Variants in DIS3L2 observed in about 807,000 individuals in gnomAD.
DIS3L2 encodes the protein DIS3-like exonuclease 2.
Under a neutral mutation model 97.5 loss-of-function variants are expected in DIS3L2, and 34 were observed. That is an observed-to-expected ratio of 0.35 (90% CI 0.27 to 0.46). The LOEUF is 0.46. DIS3L2 is among the 20% of genes least tolerant of loss of function. The pLI is 1.00. For missense variants in DIS3L2, 1,038 were observed against 1,146.0 expected (o/e 0.91, Z 1.36); for synonymous variants, 435 against 445.2 (o/e 0.98, Z 0.29).
chr2:232,212,121 A>G (rs971194188), intron 10 of DIS3L2, among the ~76,000 whole-genome samples: 2 of 152,246 alleles, frequency 1.3e-5, no homozygotes, highest in Non-Finnish European at 2.9e-5. Context: ...AAATTGAAGC[A>G]GCCTACTTCA....
intron 6 of DIS3L2, among the ~76,000 whole-genome samples, chr2:232,112,506 A>G (rs1340251970): frequency 6.6e-6 from 1 of 152,162 alleles, no homozygotes; most frequent in African/African-American, 2.4e-5. Flanking sequence ...TAGCTCCTTC[A>G]GTGGGAAGTC....
At chr2:232,102,492 C>T (rs189988521) in intron 6 of DIS3L2, among the ~76,000 whole-genome samples, 3 of 152,246 alleles carry the variant, frequency 2.0e-5, no homozygotes, top group African/African-American at 7.2e-5. Flanking sequence ...GAGATACTGG[C>T]TAACATGGTT....
chr2:232,329,074 G>C (rs1206263683), intron 14 of DIS3L2: 1 of 152,354 alleles, frequency 6.6e-6, no homozygotes, highest in Non-Finnish European at 1.5e-5. Flanking sequence ...TGACTGTTGA[G>C]TCTAATGACA....
intron 9 of DIS3L2, among the ~76,000 whole-genome samples, chr2:232,195,711 C>G (rs896852033): frequency 2.0e-5 from 3 of 151,838 alleles, no homozygotes; most frequent in African/African-American, 7.3e-5. Flanking sequence ...ATCAGCCTCC[C>G]AAAGTGCTAG....
chr2:232,288,061 T>C (rs1003204050), intron 13 of DIS3L2, among the ~76,000 whole-genome samples: 2 of 152,182 alleles, frequency 1.3e-5, no homozygotes, highest in Non-Finnish European at 2.9e-5. Context: ...AACCCCATTG[T>C]TGCAGGTTGA....
chr2:232,016,258 A>G (rs1427054607), intron 3 of DIS3L2, among the ~76,000 whole-genome samples: 1 of 152,232 alleles, frequency 6.6e-6, no homozygotes, highest in African/African-American at 2.4e-5. Flanking sequence ...ACAAATGTTT[A>G]TGGAGCATCC....
At chr2:232,291,290 A>G (rs1234332900) in intron 13 of DIS3L2, among the ~76,000 whole-genome samples, 4 of 152,388 alleles carry the variant, frequency 2.6e-5, no homozygotes, top group South Asian at 4.1e-4. Context: ...TAAAGAAGAA[A>G]AACTCAAGAT....
intron 6 of DIS3L2, among the ~76,000 whole-genome samples, chr2:232,123,835 G>T (rs753471527): frequency 8.5e-5 from 13 of 152,156 alleles, no homozygotes; most frequent in Admixed American, 3.3e-4. Context: ...ACCCCAAAGG[G>T]CTACACCATC....
At chr2:232,045,279 G>T (rs1054027906) in intron 5 of DIS3L2, among the ~76,000 whole-genome samples, 2 of 152,208 alleles carry the variant, frequency 1.3e-5, no homozygotes, top group African/African-American at 4.8e-5. Context: ...TTTGAGAACA[G>T]TGGTGAGCAG....
rs577382944 is a variant in DIS3L2 at position 232,062,361 on chromosome 2, T to C, written c.367-25126T>C. On this transcript the variant is annotated intron_variant, in intron 5 of 20. Coordinates refer to ENST00000325385, the MANE Select transcript of DIS3L2 (RefSeq NM_152383.5). ...ACTACCACACCACTGAGTGAATGTT[T>C]GAATTCACAGTTCCTGGAAAGTGGG... 5.4e-4 allele frequency among the ~76,000 whole-genome samples: 82 copies of C among 152,320 alleles called. 1 individual carries two copies. The highest frequency in any genetic ancestry group is 1.8e-3 in the African/African-American group (73 of 41,566).
chr2:232,036,102 C>G (rs937792798), intron 5 of DIS3L2, among the ~76,000 whole-genome samples: 1 of 152,146 alleles, frequency 6.6e-6, no homozygotes, highest in Non-Finnish European at 1.5e-5. Flanking sequence ...GGATAATATC[C>G]TGAAGTGTGT....
intron 2 of DIS3L2, 130 bp downstream of exon 2, chr2:232,015,109 C>T: frequency 2.4e-6 from 2 of 844,896 alleles, no homozygotes; most frequent in Non-Finnish European, 3.6e-6. Context: ...GTTAAGTATT[C>T]TGTGTGATTT....
chr2:232,321,103 A>G (rs572777290), intron 14 of DIS3L2, among the ~76,000 whole-genome samples: 2 of 152,148 alleles, frequency 1.3e-5, no homozygotes, highest in Non-Finnish European at 2.9e-5. Flanking sequence ...GGAGGCCCCA[A>G]AGAGTCCCTT....
At chr2:232,067,732 G>T (rs1200452943) in intron 5 of DIS3L2, among the ~76,000 whole-genome samples, 1 of 152,102 alleles carries the variant, frequency 6.6e-6, no homozygotes, top group Non-Finnish European at 1.5e-5. Flanking sequence ...TTGGGGATTT[G>T]TTTATGTCTC....
chr2:232,237,344 T>C (rs1001770053), intron 10 of DIS3L2, among the ~76,000 whole-genome samples: 12 of 151,964 alleles, frequency 7.9e-5, no homozygotes, highest in Non-Finnish European at 1.6e-4. Flanking sequence ...AAAAGACAGC[T>C]CCACCAGGAA....
intron 5 of DIS3L2, among the ~76,000 whole-genome samples, chr2:232,048,200 A>T (rs548736015): frequency 2.0e-5 from 3 of 152,308 alleles, no homozygotes; most frequent in East Asian, 3.9e-4. Context: ...AGTCTTATGA[A>T]TGTATACACA....
At chr2:232,312,436 C>G (rs573598423) in intron 14 of DIS3L2, among the ~76,000 whole-genome samples, 1 of 152,318 alleles carries the variant, frequency 6.6e-6, no homozygotes, top group East Asian at 1.9e-4. Flanking sequence ...TGTTTCTGCT[C>G]TCCATTCTGT....
At chr2:232,205,238 A>ATATATATATATATATAT (rs1691998820) in intron 9 of DIS3L2, among the ~76,000 whole-genome samples, 1 of 144,182 alleles carries the variant, frequency 6.9e-6, no homozygotes, top group African/African-American at 2.6e-5. Context: ...ATATATATAT[A>ATATATATATATATATAT]AAATGCAGTG....
At chr2:232,329,785 T>TCCCCGGGGGCCC (rs1318587735) in intron 14 of DIS3L2, 28 bp from the exon 15 acceptor site, 35 of 967,110 alleles carry the variant, frequency 3.6e-5, no homozygotes, top group East Asian at 6.2e-5. Context: ...ACCCCAGCGG[T>TCCCCGGGGGCCC]CCCTCCCATC....
Sources: allele counts gnomAD v4.1 joint callset (sites outside exome capture counted in the v4.1 genomes callset), GRCh38; gene constraint gnomAD v4.1.1; transcripts MANE v1.5; gene names NCBI Gene and HGNC (gene_info 2026-07-23, HGNC 2026-07-21).